The following TACC2 variants were observed in gnomAD, a reference collection of about 807,000 sequenced individuals.
The protein encoded by TACC2 is transforming acidic coiled-coil-containing protein 2.
TACC2 carries 137 observed loss-of-function variants against 227.3 expected under a neutral mutation model. The ratio of observed to expected loss-of-function variants is 0.60; its 90% CI spans 0.52 to 0.69. The LOEUF is 0.69. TACC2 is among the 30% of genes least tolerant of loss of function. TACC2 has a pLI of 0.00. For missense variants in TACC2, 3,470 were observed against 3,694.4 expected, an observed-to-expected ratio of 0.94 and a Z score of 1.57; for synonymous variants, 1,523 against 1,487.5, an observed-to-expected ratio of 1.02 and a Z score of -0.55.
Position 122,083,816 on chromosome 10 carries a change from C to A in TACC2, c.1316C>A (p.Ser439Ter). The change falls in exon 4 of 23, where the codon TCA (serine) becomes TAA (stop). Residue 439 changes from serine to a stop codon, truncating the protein, a stop_gained. Transcript: ENST00000369005. LOFTEE classifies it high-confidence loss of function. ...CCTATTGCTGTAGAAGAACCTGGAT[C>A]ATCATCCAGGGAATCAGTTTCCAAG... Reference protein sequence around the residue: ...QIPIAVEEPGSSSRESVSKAG... With the variant: ...QIPIAVEEPG 10 of 1,614,168 alleles carry A rather than the reference C, an allele frequency of 6.2e-6. No homozygotes were observed. The highest frequency in any genetic ancestry group is 5.9e-6 in the Non-Finnish European group (7 of 1,180,038).
chr10:122,002,489 A>G (rs770631892), intron 1 of TACC2, among the ~76,000 whole-genome samples: 1 of 152,146 alleles, frequency 6.6e-6, no homozygotes, highest in Non-Finnish European at 1.5e-5. Flanking sequence ...GTCATTCTTC[A>G]TAAAAGGAAT....
intron 5 of TACC2, among the ~76,000 whole-genome samples, chr10:122,114,468 C>G (rs1237855737): frequency 6.6e-6 from 1 of 152,246 alleles, no homozygotes; most frequent in Non-Finnish European, 1.5e-5. Context: ...TGAGTTCCCT[C>G]CCGGAGCAGC....
chr10:122,081,476 C>T (rs985578365), intron 3 of TACC2, among the ~76,000 whole-genome samples: 14 of 144,364 alleles, frequency 9.7e-5, no homozygotes, highest in East Asian at 2.1e-4. Context: ...TGCAGTGAGC[C>T]GAGATCGCAC....
intron 5 of TACC2, among the ~76,000 whole-genome samples, chr10:122,105,900 G>A (rs2082710645): frequency 6.6e-6 from 1 of 151,532 alleles, no homozygotes; most frequent in Non-Finnish European, 1.5e-5. Context: ...TGGGATTACA[G>A]GCGTGAGCCA....
intron 7 of TACC2, among the ~76,000 whole-genome samples, chr10:122,148,769 CAGG>C (rs1373989369): frequency 2.0e-5 from 3 of 152,224 alleles, no homozygotes; most frequent in East Asian, 1.9e-4. Context: ...GGCTTTTCTC[CAGG>C]AGTTTTCACA....
intron 2 of TACC2, among the ~76,000 whole-genome samples, chr10:122,045,108 T>A (rs1289297111): frequency 6.6e-6 from 1 of 152,102 alleles, no homozygotes; most frequent in Non-Finnish European, 1.5e-5. Flanking sequence ...GGGCTGAGGG[T>A]ACGTCTTTCG....
intron 16 of TACC2, among the ~76,000 whole-genome samples, chr10:122,235,384 G>A (rs1330998769): frequency 2.6e-5 from 4 of 151,598 alleles, no homozygotes; most frequent in African/African-American, 9.7e-5. Context: ...CACTGCAACC[G>A]GCCCCCAATT....
intron 1 of TACC2, among the ~76,000 whole-genome samples, chr10:122,011,281 A>C (rs185732159): frequency 3.3e-5 from 5 of 152,218 alleles, no homozygotes; most frequent in Admixed American, 2.6e-4. Flanking sequence ...GGGAGAAAGG[A>C]GATAGCTCTG....
intron 6 of TACC2, among the ~76,000 whole-genome samples, chr10:122,135,529 C>G (rs2138973442): frequency 6.6e-6 from 1 of 152,292 alleles, no homozygotes; most frequent in African/African-American, 2.4e-5. Context: ...GTTGGTGTTA[C>G]TGAACATTTA....
At chr10:122,230,540 C>T (rs1469157162) in intron 16 of TACC2, 100 bp downstream of exon 16, 10 of 1,075,712 alleles carry the variant, frequency 9.3e-6, no homozygotes, top group South Asian at 1.3e-5. Flanking sequence ...CGGGCATCAT[C>T]GGTGTCCAGC....
chr10:122,125,638 C>G (rs1676667531), intron 5 of TACC2, among the ~76,000 whole-genome samples: 2 of 152,218 alleles, frequency 1.3e-5, no homozygotes, highest in African/African-American at 4.8e-5. Context: ...CCCCAGGGCA[C>G]AGAGCATGGA....
intron 3 of TACC2, among the ~76,000 whole-genome samples, chr10:122,076,193 T>G (rs2078788905): frequency 6.6e-6 from 1 of 152,138 alleles, no homozygotes; most frequent in South Asian, 2.1e-4. Context: ...TGTAGAGTTA[T>G]GAGGTGGCGC....
intron 8 of TACC2, among the ~76,000 whole-genome samples, chr10:122,202,036 T>A (rs2140837181): frequency 6.7e-6 from 1 of 149,566 alleles, no homozygotes; most frequent in South Asian, 2.1e-4. Context: ...TTTTTTTTAA[T>A]TCATAATCAG....
At chr10:122,173,420 C>T (rs976192550) in intron 7 of TACC2, among the ~76,000 whole-genome samples, 3 of 152,346 alleles carry the variant, frequency 2.0e-5, no homozygotes, top group African/African-American at 7.2e-5. Context: ...TGGCTTGGCC[C>T]ACGAATGCCC....
intron 6 of TACC2, among the ~76,000 whole-genome samples, chr10:122,139,509 A>G (rs901694892): frequency 1.3e-5 from 2 of 152,014 alleles, no homozygotes; most frequent in Non-Finnish European, 2.9e-5. Context: ...TCTATCTCCC[A>G]TTGCTGAGTC....
intron 14 of TACC2, 75 bp from the exon 15 acceptor site, chr10:122,229,271 C>A (rs35936023): frequency 2.4e-5 from 37 of 1,564,622 alleles, no homozygotes; most frequent in Non-Finnish European, 2.9e-5. Context: ...GGCTGCATGG[C>A]CCTTGCTTGG....
intron 3 of TACC2, among the ~76,000 whole-genome samples, chr10:122,054,147 C>T (rs1471736932): frequency 1.3e-5 from 2 of 152,228 alleles, no homozygotes; most frequent in African/African-American, 4.8e-5. Context: ...GGGGTTTACT[C>T]ATCCCCAAAG....
rs747649758 is a variant in TACC2, at chr10:122,087,285, T to C, written c.4785T>C (p.Pro1595=). The part of the protein sequence containing the change: ...GEEAVAQDRI[P]SGKQHQETSA... ...AGGCCGTGGCCCAAGACAGAATTCCTTCTGGAAAGCAGCACCAGGAAACAT... is the reference window on the plus strand; with the variant it reads ...AGGCCGTGGCCCAAGACAGAATTCCCTCTGGAAAGCAGCACCAGGAAACAT... Residue 1595 remains proline (P), a synonymous_variant, in exon 4 of 23, where the codon CCT becomes CCC. Coordinates refer to ENST00000369005, the MANE Select transcript of TACC2 (RefSeq NM_206862.4). 23 of 1,613,736 alleles carry C rather than the reference T, an allele frequency of 1.4e-5. No homozygotes were observed. Among genetic ancestry groups the C allele is most frequent in the Non-Finnish European group, 1.9e-5 (23 of 1,180,030 alleles).
At position 122,249,072 on chromosome 10, in the gene TACC2, G is replaced by T. The variant is rs1262009486; in HGVS notation, c.8576G>T (p.Cys2859Phe). Reference protein sequence around the residue: ...FRKNEEVLKRCAQEYLSRVKK... With the variant: ...FRKNEEVLKRFAQEYLSRVKK... ...CAGAATGAAGAGGTGTTGAAGAGAT[G>T]TGCGCAGGAGTACCTGTCCCGGGTG... The change falls in exon 21 of 23, where the codon TGT becomes TTT. Residue 2859 changes from cysteine (C) to phenylalanine (F), a missense_variant. This residue lies in a region of TACC2 where 89 missense variants were observed against 91.4 expected (regional missense o/e 0.97). Transcript: ENST00000369005. The T allele has an allele frequency of 6.2e-7, 1 of 1,613,292 alleles. No homozygotes were observed. Among genetic ancestry groups the T allele is most frequent in the Non-Finnish European group, 8.5e-7 (1 of 1,179,890 alleles).
Sources: gnomAD v4.1 joint callset for allele counts (sites outside exome capture counted in the v4.1 genomes callset) on GRCh38, gnomAD v4.1.1 for gene constraint, gnomAD v4.1.1 regional missense constraint, MANE v1.5 for transcripts, NCBI Gene and HGNC (gene_info 2026-07-23, HGNC 2026-07-21) for gene names.